Variants in SLC39A11 observed in about 807,000 individuals in gnomAD.
SLC39A11 encodes zinc transporter ZIP11.
Under a neutral mutation model 36.1 loss-of-function variants are expected in SLC39A11, and 33 were observed. That is an observed-to-expected ratio of 0.91 (90% CI 0.69 to 1.22). The LOEUF (loss-of-function observed/expected upper bound fraction) is 1.22, where lower values mean the gene tolerates loss of function less well. Among genes scored for constraint, SLC39A11 ranks in the 50% most tolerant of loss-of-function variants. The pLI, the probability that SLC39A11 is intolerant of heterozygous loss-of-function variation, is 0.00. For synonymous variants in SLC39A11, 166 were observed against 170.3 expected (o/e 0.97, Z 0.20); for missense variants, 432 against 430.3 (o/e 1.00, Z -0.03).
intron 4 of SLC39A11, among the ~76,000 whole-genome samples, chr17:73,003,693 G>T (rs1396463180): frequency 6.6e-6 from 1 of 152,104 alleles, no homozygotes; most frequent in Non-Finnish European, 1.5e-5. Context: ...GGCCACAGAG[G>T]GCAGCATCAA....
intron 6 of SLC39A11, among the ~76,000 whole-genome samples, chr17:72,808,188 G>T (rs1370311302): frequency 6.6e-6 from 1 of 152,186 alleles, no homozygotes. Context: ...GCATAGAAGG[G>T]GCCTGTTGGG....
intron 7 of SLC39A11, among the ~76,000 whole-genome samples, chr17:72,669,901 T>C (rs763385310): frequency 5.3e-5 from 8 of 150,054 alleles, no homozygotes; most frequent in East Asian, 2.0e-4. Context: ...TATATACACA[T>C]ATATATACGT....
At chr17:72,915,207 T>C (rs769025762) in intron 5 of SLC39A11, among the ~76,000 whole-genome samples, 28 of 152,050 alleles carry the variant, frequency 1.8e-4, no homozygotes, top group Non-Finnish European at 4.1e-4. Flanking sequence ...ATTCTGAAGA[T>C]GCCTCTCCTG....
At chr17:73,074,318 G>A (rs1214692223) in intron 3 of SLC39A11, among the ~76,000 whole-genome samples, 1 of 117,882 alleles carries the variant, frequency 8.5e-6, no homozygotes, top group Non-Finnish European at 1.7e-5. Context: ...CCCGCCCCAA[G>A]ACAGAGTCTT....
At chr17:73,054,870 G>A (rs540525807) in intron 3 of SLC39A11, among the ~76,000 whole-genome samples, 1 of 151,834 alleles carries the variant, frequency 6.6e-6, no homozygotes, top group South Asian at 2.1e-4. Context: ...GCTTATCAAG[G>A]GGCTTATCAA....
intron 6 of SLC39A11, among the ~76,000 whole-genome samples, chr17:72,801,961 C>A (rs1234764894): frequency 6.6e-6 from 1 of 152,128 alleles, no homozygotes; most frequent in Non-Finnish European, 1.5e-5. Flanking sequence ...TAAAACAACT[C>A]AAAAATATAC....
chr17:72,822,226 A>G (rs966466590), intron 6 of SLC39A11, among the ~76,000 whole-genome samples: 2 of 149,070 alleles, frequency 1.3e-5, no homozygotes, highest in African/African-American at 4.9e-5. Context: ...TATATACTAT[A>G]TACATACTAT....
intron 7 of SLC39A11, among the ~76,000 whole-genome samples, chr17:72,704,546 T>C (rs1471883448): frequency 6.6e-6 from 1 of 152,224 alleles, no homozygotes; most frequent in Admixed American, 6.5e-5. Context: ...CAGTGGGTCC[T>C]GCAAGGCCCT....
intron 6 of SLC39A11, among the ~76,000 whole-genome samples, chr17:72,805,816 C>T (rs1329434267): frequency 6.6e-6 from 1 of 151,206 alleles, no homozygotes; most frequent in Non-Finnish European, 1.5e-5. Context: ...TGGGGCGATC[C>T]TGGCTCACTG....
chr17:72,913,866 C>T (rs2083172026), intron 5 of SLC39A11, among the ~76,000 whole-genome samples: 1 of 152,078 alleles, frequency 6.6e-6, no homozygotes, highest in African/African-American at 2.4e-5. Context: ...CCATTGACAA[C>T]GGTAATTTTT....
intron 5 of SLC39A11, among the ~76,000 whole-genome samples, chr17:72,921,160 A>G (rs987831271): frequency 6.6e-6 from 1 of 152,186 alleles, no homozygotes; most frequent in African/African-American, 2.4e-5. Context: ...ATGAATGAAA[A>G]AGTAAGAACA....
chr17:72,662,541 GA>G (rs2070490683), intron 7 of SLC39A11, among the ~76,000 whole-genome samples: 1 of 110,174 alleles, frequency 9.1e-6, no homozygotes, highest in African/African-American at 3.2e-5. Flanking sequence ...AAGAGAGAAA[GA>G]AAGAAAAGAA....
intron 5 of SLC39A11, among the ~76,000 whole-genome samples, chr17:72,918,780 G>A (rs532587944): frequency 1.1e-4 from 16 of 152,086 alleles, no homozygotes; most frequent in East Asian, 5.8e-4. Flanking sequence ...AATCATGCTC[G>A]AGGCTGGGCA....
At chr17:72,679,908 G>A (rs1166094367) in intron 7 of SLC39A11, among the ~76,000 whole-genome samples, 1 of 151,958 alleles carries the variant, frequency 6.6e-6, no homozygotes, top group Non-Finnish European at 1.5e-5. Context: ...TGGGCGTGGT[G>A]GCGCATGCCT....
chr17:72,915,963 C>G (rs981931357), intron 5 of SLC39A11, among the ~76,000 whole-genome samples: 2 of 152,224 alleles, frequency 1.3e-5, no homozygotes, highest in Admixed American at 1.3e-4. Flanking sequence ...AAACACACAT[C>G]CACACGTCTG....
At chr17:72,813,074 C>G (rs2077480841) in intron 6 of SLC39A11, among the ~76,000 whole-genome samples, 1 of 152,180 alleles carries the variant, frequency 6.6e-6, no homozygotes, top group African/African-American at 2.4e-5. Flanking sequence ...CTGACGTCAG[C>G]TCTTTGAAGA....
At chr17:72,885,397 G>C (rs1338529978) in intron 5 of SLC39A11, among the ~76,000 whole-genome samples, 1 of 151,984 alleles carries the variant, frequency 6.6e-6, no homozygotes, top group African/African-American at 2.4e-5. Context: ...TGTAGGCTAC[G>C]GGCTCACCTC....
intron 4 of SLC39A11, among the ~76,000 whole-genome samples, chr17:73,012,673 T>G (rs1047977543): frequency 6.6e-6 from 1 of 152,086 alleles, no homozygotes; most frequent in Non-Finnish European, 1.5e-5. Context: ...CAGTAGGTAG[T>G]TTTGCTGCCC....
intron 5 of SLC39A11, among the ~76,000 whole-genome samples, chr17:72,885,260 G>A (rs78587737): frequency 0.027 from 4,071 of 152,220 alleles, 183 homozygotes; most frequent in African/African-American, 0.089. Context: ...AGCTTGGAAC[G>A]TCAACGCTTT....
Sources: allele counts gnomAD v4.1 joint callset (sites outside exome capture counted in the v4.1 genomes callset), GRCh38; gene constraint gnomAD v4.1.1; transcripts MANE v1.5; gene names NCBI Gene and HGNC (gene_info 2026-07-23, HGNC 2026-07-21).